Variants in NCALD observed in about 807,000 individuals in gnomAD.
The protein encoded by NCALD is neurocalcin-delta.
NCALD carries 10 observed loss-of-function variants against 18.6 expected under a neutral mutation model. That is an observed-to-expected ratio of 0.54 (90% CI 0.33 to 0.91). The LOEUF is 0.91. Among genes scored for constraint, NCALD ranks in the 40% least tolerant of loss-of-function variants. The pLI is 0.03. For synonymous variants in NCALD, 88 were observed against 87.4 expected (o/e 1.01, Z -0.04); for missense variants, 184 against 247.6 (o/e 0.74, Z 1.72).
In NCALD at chr8:102,094,533, A is replaced by G. The variant is rs183490039; in HGVS notation, c.-210+29704T>C. 1.8e-3 allele frequency among the ~76,000 whole-genome samples: 274 copies of G among 152,304 alleles called. 3 individuals carry two copies. Among genetic ancestry groups the G allele is most frequent in the African/African-American group, 6.2e-3 (257 of 41,568 alleles). On this transcript the variant is annotated intron_variant, in intron 1 of 6. Coordinates refer to the NCALD transcript ENST00000311028. ...ACTCCATTCTGCTTCGAAGCCAGCG[A>G]TTGCTAGTATCTTGAGTGTGTGGTT...
intron 2 of NCALD, among the ~76,000 whole-genome samples, chr8:101,923,571 T>C (rs2131664771): frequency 6.6e-6 from 1 of 152,370 alleles, no homozygotes; most frequent in South Asian, 2.1e-4. Context: ...AAGAAATGTA[T>C]GGCTTATGAA....
Position 101,689,380 on chromosome 8 carries a change from G to A in NCALD, c.511C>T (p.Arg171Ter), listed in dbSNP as rs1240569615. ...DGKLSLEEFIRGAKSDPSIVR... is the reference protein window; with the variant it reads ...DGKLSLEEFI ...ATGGACGGGTCGCTTTTGGCTCCTC[G>A]GATGAACTCTTCCAGGGAGAGTTTT... Residue 171 changes from arginine (R) to a stop codon, truncating the protein, a stop_gained, in exon 4 of 4, where the codon CGA becomes TGA. Transcript: ENST00000220931. LOFTEE classifies it high-confidence loss of function. The surrounding 1 kb of genome is among the most constrained non-coding windows in gnomAD (Gnocchi z 4.4). The A allele has an allele frequency of 3.1e-6, 5 of 1,610,916 alleles. No individual in the cohort carries two copies. Among genetic ancestry groups the A allele is most frequent in the South Asian group, 1.1e-5 (1 of 90,136 alleles).
intron 1 of NCALD, among the ~76,000 whole-genome samples, chr8:102,049,978 A>G (rs547456247): frequency 2.7e-5 from 4 of 150,242 alleles, no homozygotes; most frequent in African/African-American, 9.8e-5. Flanking sequence ...CTGGCTAACA[A>G]GGTGAAACCC....
intron 2 of NCALD, among the ~76,000 whole-genome samples, chr8:101,923,708 C>A (rs1342703625): frequency 6.6e-6 from 1 of 152,004 alleles, no homozygotes. Context: ...TTTAAAGGGA[C>A]TTTGTACATA....
rs538669986 is a variant in NCALD, at chr8:101,693,014, T to C, written c.379-118A>G. The C allele has an allele frequency of 7.7e-4, 533 of 690,518 alleles. 2 individuals carry two copies. Among genetic ancestry groups the C allele is most frequent in the Non-Finnish European group, 1.3e-3 (502 of 396,110 alleles). The allele number at this position is 690,518 out of a possible 1,614,324, so 42.8% of individuals were successfully genotyped here. On this transcript the variant is annotated intron_variant, in intron 2 of 3. Coordinates refer to ENST00000220931, the MANE Select transcript of NCALD (RefSeq NM_032041.3). ...ATGTCCCCATCCGCATTGGACCTAG[T>C]CCTACCCCTATTGATTGGTATAAGA...
rs530144222 is a variant in NCALD, at chr8:101,882,537, C to T, written c.-20+4604G>A. Among the ~76,000 whole-genome samples the T allele has an allele frequency of 1.9e-4, 29 of 152,266 alleles. No individual in the cohort carries two copies. In the East Asian group the frequency reaches 5.6e-3, roughly 29 times the overall value. ...ATAAATTTCTGTTGTTTATAAGCCA[C>T]CCAGTTTATGATATTTTGTTATAGC... is the stretch of plus-strand genomic sequence containing the variant. On this transcript the variant is annotated intron_variant, in intron 4 of 6. Coordinates refer to the NCALD transcript ENST00000311028.
chr8:101,851,599 C>T (rs1465331068), intron 4 of NCALD, among the ~76,000 whole-genome samples: 2 of 151,964 alleles, frequency 1.3e-5, no homozygotes, highest in African/African-American at 2.4e-5. Flanking sequence ...TTGGATTTGC[C>T]CCCTGAGAAC....
chr8:102,086,258 T>C (rs1824734649), intron 1 of NCALD, among the ~76,000 whole-genome samples: 1 of 152,140 alleles, frequency 6.6e-6, no homozygotes, highest in Non-Finnish European at 1.5e-5. Flanking sequence ...ATTGGAAAAA[T>C]ATATGGAATT....
intron 1 of NCALD, among the ~76,000 whole-genome samples, chr8:101,728,334 G>C (rs1816663995): frequency 6.6e-6 from 1 of 152,130 alleles, no homozygotes; most frequent in African/African-American, 2.4e-5. Context: ...TCAGAGCCCA[G>C]AGTTAGATTT....
chr8:101,697,764 T>C (rs1431838591), intron 2 of NCALD, among the ~76,000 whole-genome samples: 1 of 152,142 alleles, frequency 6.6e-6, no homozygotes, highest in Non-Finnish European at 1.5e-5. Flanking sequence ...AAACTCTGAA[T>C]AAACTAGGTA....
At chr8:101,694,747 C>T (rs528631808) in intron 2 of NCALD, among the ~76,000 whole-genome samples, 4 of 152,082 alleles carry the variant, frequency 2.6e-5, no homozygotes, top group Non-Finnish European at 5.9e-5. Context: ...GTCATCCCAG[C>T]CCAGGTCTGC....
intron 2 of NCALD, among the ~76,000 whole-genome samples, chr8:101,935,847 T>C (rs1291470509): frequency 1.3e-5 from 2 of 150,644 alleles, no homozygotes; most frequent in Non-Finnish European, 3.0e-5. Flanking sequence ...ATGGAAATGA[T>C]GCAGGGAAGA....
At chr8:101,928,180 C>T (rs1005390715) in intron 2 of NCALD, among the ~76,000 whole-genome samples, 30 of 152,020 alleles carry the variant, frequency 2.0e-4, no homozygotes, top group Admixed American at 1.1e-3. Context: ...AATGATCGCG[C>T]GATGTAGAGA....
chr8:102,063,745 C>T (rs1442446510), intron 1 of NCALD, among the ~76,000 whole-genome samples: 1 of 152,170 alleles, frequency 6.6e-6, no homozygotes, highest in African/African-American at 2.4e-5. Context: ...ATAGGGTGGA[C>T]AGCTGCCAGT....
intron 2 of NCALD, among the ~76,000 whole-genome samples, chr8:102,008,432 T>C (rs1821783705): frequency 6.9e-6 from 1 of 145,280 alleles, no homozygotes; most frequent in African/African-American, 2.6e-5. Context: ...CACTCCAAAA[T>C]ATGCTGTTCT....
At chr8:101,897,787 T>C (rs1266235768) in intron 3 of NCALD, among the ~76,000 whole-genome samples, 1 of 152,240 alleles carries the variant, frequency 6.6e-6, no homozygotes, top group Non-Finnish European at 1.5e-5. Flanking sequence ...CAGCATTGCA[T>C]GGTAATTCCA....
intron 3 of NCALD, among the ~76,000 whole-genome samples, chr8:101,888,572 C>T (rs911481413): frequency 6.6e-6 from 1 of 151,890 alleles, no homozygotes; most frequent in Non-Finnish European, 1.5e-5. Flanking sequence ...GATGCCCCAA[C>T]ATGCCTGGCT....
At chr8:102,086,215 T>G (rs1317117384) in intron 1 of NCALD, among the ~76,000 whole-genome samples, 2 of 152,228 alleles carry the variant, frequency 1.3e-5, no homozygotes, top group African/African-American at 2.4e-5. Context: ...ACAGCTCTTT[T>G]GTGCACATTT....
intron 1 of NCALD, among the ~76,000 whole-genome samples, chr8:102,082,672 C>T (rs528245018): frequency 1.8e-4 from 28 of 152,130 alleles, no homozygotes; most frequent in African/African-American, 6.0e-4. Context: ...TATGTTAGAG[C>T]ATCAGGAAAG....
Sources: allele counts gnomAD v4.1 joint callset (sites outside exome capture counted in the v4.1 genomes callset), GRCh38; gene constraint gnomAD v4.1.1; non-coding constraint Gnocchi (gnomAD v3.1); transcripts MANE v1.5; gene names NCBI Gene and HGNC (gene_info 2026-07-23, HGNC 2026-07-21).